Variants in CYYR1 observed in about 807,000 individuals in gnomAD.
The protein encoded by CYYR1 is cysteine and tyrosine-rich protein 1.
In CYYR1, 14 loss-of-function variants were observed where a neutral mutation model predicts 15.2. The ratio of observed to expected loss-of-function variants is 0.92; its 90% CI spans 0.61 to 1.44. The LOEUF (loss-of-function observed/expected upper bound fraction) is 1.44, where lower values mean the gene tolerates loss of function less well. CYYR1 is among the 40% of genes most tolerant of loss of function. The pLI is 0.00. For synonymous variants in CYYR1, 80 were observed against 77.4 expected (o/e 1.03, Z -0.18); for missense variants, 228 against 209.5 (o/e 1.09, Z -0.54).
intron 2 of CYYR1, among the ~76,000 whole-genome samples, chr21:26,492,851 G>C (rs1207342193): frequency 1.3e-5 from 2 of 152,152 alleles, no homozygotes; most frequent in African/African-American, 4.8e-5. Flanking sequence ...ATATGCATAG[G>C]ATTAAACGCA....
rs1036145045 is a variant in CYYR1 at position 26,565,270 on chromosome 21, T to G, written c.176+996A>C. Among the ~76,000 whole-genome samples the G allele has an allele frequency of 2.0e-5, 3 of 152,208 alleles. No homozygotes were observed. The East Asian group carries it at 5.8e-4, about 29-fold the overall frequency. ...TTCTATTCTCGGGAAATGGAGGATG[T>G]GTAACAAGCCGTCTCAACGGACACT... On this transcript the variant is annotated intron_variant, in intron 2 of 3. Transcript: ENST00000652641.
intron 2 of CYYR1, among the ~76,000 whole-genome samples, chr21:26,488,571 T>C (rs927194236): frequency 6.6e-6 from 1 of 152,106 alleles, no homozygotes; most frequent in East Asian, 1.9e-4. Context: ...ATCTTCCAGG[T>C]AGCCTTAAAG....
intron 2 of CYYR1, among the ~76,000 whole-genome samples, chr21:26,547,577 C>A (rs1979059873): frequency 6.6e-6 from 1 of 152,126 alleles, no homozygotes; most frequent in Admixed American, 6.5e-5. Context: ...CATCTGTACC[C>A]CAATGTGTGG....
chr21:26,484,192 T>C (rs1357903401), intron 2 of CYYR1, among the ~76,000 whole-genome samples: 1 of 152,136 alleles, frequency 6.6e-6, no homozygotes, highest in African/African-American at 2.4e-5. Flanking sequence ...TGTTAGATTA[T>C]ATGGGGACTA....
At chr21:26,471,150 G>T (rs967912727) in intron 3 of CYYR1, 10 of 152,116 alleles carry the variant, frequency 6.6e-5, no homozygotes, top group Admixed American at 4.6e-4. Flanking sequence ...TAGGAGCACT[G>T]AGACAAAGAG....
intron 2 of CYYR1, among the ~76,000 whole-genome samples, chr21:26,506,042 A>T (rs537479881): frequency 6.6e-6 from 1 of 152,120 alleles, no homozygotes; most frequent in African/African-American, 2.4e-5. Flanking sequence ...TGGAACCATG[A>T]CCACACCAAC....
At chr21:26,479,207 ATAT>A (rs1238819017) in intron 3 of CYYR1, among the ~76,000 whole-genome samples, 2 of 152,104 alleles carry the variant, frequency 1.3e-5, no homozygotes, top group African/African-American at 2.4e-5. Flanking sequence ...CAGTATGAAA[ATAT>A]TATAGAAGAA....
rs192588520 is a variant in CYYR1, at chr21:26,551,873, G to A, written c.176+14393C>T. ...ACTCCAATTTTGAAAGAAGTTCTAC[G>A]GTGGGTCAAACGCTACCGAAGAGCG... On this transcript the variant is annotated intron_variant, in intron 2 of 3. Coordinates refer to ENST00000652641, the MANE Select transcript of CYYR1 (RefSeq NM_001320768.2). 20 of 200,426 alleles carry A rather than the reference G, an allele frequency of 1.0e-4. No homozygotes were observed. The East Asian group carries it at 1.9e-3, about 19-fold the overall frequency. 12.4% of individuals were successfully genotyped at this position (200,426 alleles called of 1,614,324 possible).
At chr21:26,489,673 A>G (rs1433892723) in intron 2 of CYYR1, among the ~76,000 whole-genome samples, 3 of 152,104 alleles carry the variant, frequency 2.0e-5, no homozygotes, top group African/African-American at 7.2e-5. Context: ...TGCACAACAC[A>G]ACATACTATA....
At chr21:26,469,765 T>G (rs1191848484) in intron 3 of CYYR1, among the ~76,000 whole-genome samples, 1 of 152,184 alleles carries the variant, frequency 6.6e-6, no homozygotes, top group Non-Finnish European at 1.5e-5. Flanking sequence ...AATTTCTCCC[T>G]ATCCATCCTT....
At chr21:26,505,850 T>C (rs1331367527) in intron 2 of CYYR1, among the ~76,000 whole-genome samples, 1 of 152,194 alleles carries the variant, frequency 6.6e-6, no homozygotes. Context: ...AGAGAAGAAA[T>C]TGAGATAACG....
At chr21:26,531,567 C>T (rs1181146784) in intron 2 of CYYR1, among the ~76,000 whole-genome samples, 1 of 152,076 alleles carries the variant, frequency 6.6e-6, no homozygotes, top group Non-Finnish European at 1.5e-5. Flanking sequence ...CATGGGGAGT[C>T]ATGCTTGCTT....
At chr21:26,542,443 T>G (rs1978640820) in intron 2 of CYYR1, among the ~76,000 whole-genome samples, 2 of 152,128 alleles carry the variant, frequency 1.3e-5, no homozygotes, top group South Asian at 4.2e-4. Flanking sequence ...AAAAAGCGTT[T>G]GATGAAATTC....
chr21:26,481,739 G>A (rs1601732677), intron 2 of CYYR1, among the ~76,000 whole-genome samples: 1 of 151,988 alleles, frequency 6.6e-6, no homozygotes, highest in Middle Eastern at 3.4e-3. Flanking sequence ...CTCTGGGAAT[G>A]AATTAGTATT....
intron 1 of CYYR1, among the ~76,000 whole-genome samples, chr21:26,567,084 T>G (rs974864090): frequency 6.6e-6 from 1 of 152,102 alleles, no homozygotes; most frequent in African/African-American, 2.4e-5. Context: ...AATAGAAGGT[T>G]TAGTGGCATA....
At chr21:26,482,219 G>A (rs2065190656) in intron 2 of CYYR1, 5 of 852,550 alleles carry the variant, frequency 5.9e-6, no homozygotes, top group Non-Finnish European at 7.1e-6. Flanking sequence ...GCCAAGCAAT[G>A]TACCATAGTT....
intron 2 of CYYR1, among the ~76,000 whole-genome samples, chr21:26,497,516 T>C (rs1027475677): frequency 6.6e-6 from 1 of 152,192 alleles, no homozygotes. Context: ...CCATAAATCT[T>C]GACTTATATT....
At chr21:26,537,096 A>G (rs1978310256) in intron 2 of CYYR1, among the ~76,000 whole-genome samples, 1 of 152,084 alleles carries the variant, frequency 6.6e-6, no homozygotes, top group East Asian at 1.9e-4. Context: ...ATGTTGGAGG[A>G]GAGTTGTGAT....
intron 1 of CYYR1, 126 bp downstream of exon 1, chr21:26,572,742 C>T: frequency 5.0e-6 from 6 of 1,190,078 alleles, no homozygotes; most frequent in Non-Finnish European, 7.0e-6. Context: ...GCGGAAAAGG[C>T]AGAAGCGTCT....
Sources: allele counts gnomAD v4.1 joint callset (sites outside exome capture counted in the v4.1 genomes callset), GRCh38; gene constraint gnomAD v4.1.1; transcripts MANE v1.5; gene names NCBI Gene and HGNC (gene_info 2026-07-23, HGNC 2026-07-21).